Variants in GPAT3 observed in about 807,000 individuals in gnomAD.
The protein encoded by GPAT3 is glycerol-3-phosphate acyltransferase 3, also known as 1-AGP acyltransferase 9.
A neutral mutation model predicts 58.8 loss-of-function variants in GPAT3; 53 were observed. That is an observed-to-expected ratio of 0.90 (90% CI 0.72 to 1.13). The LOEUF (loss-of-function observed/expected upper bound fraction) is 1.13, where lower values mean the gene tolerates loss of function less well. Among genes scored for constraint, GPAT3 ranks in the 50% most tolerant of loss-of-function variants. GPAT3 has a pLI of 0.00. For synonymous variants in GPAT3, 197 were observed against 187.4 expected (o/e 1.05, Z -0.42); for missense variants, 511 against 527.6 (o/e 0.97, Z 0.31).
rs1727191493 is a variant in GPAT3 at position 83,604,685 on chromosome 4, G to T, written c.1223G>T (p.Arg408Ile). 6.2e-7 allele frequency: 1 copy of T among 1,613,774 alleles called. No homozygotes were observed. The highest frequency in any genetic ancestry group is 8.5e-7 in the Non-Finnish European group (1 of 1,179,866). ...TELPWDGGLK[R>I]AKVKDIFKEE... The stretch of plus-strand genomic sequence containing the variant: ...GTTTGCAGGGATGGAGGACTAAAGA[G>T]AGCAAAGGTGAAGGACATCTTTAAG... Residue 408 changes from arginine (R) to isoleucine (I), a missense_variant, in exon 12 of 12, where the codon AGA becomes ATA. Coordinates refer to ENST00000264409, the MANE Select transcript of GPAT3 (RefSeq NM_032717.5).
intron 2 of GPAT3, among the ~76,000 whole-genome samples, chr4:83,551,749 AC>A (rs1215421132): frequency 6.9e-6 from 1 of 145,474 alleles, no homozygotes; most frequent in East Asian, 2.0e-4. Flanking sequence ...CCGAGATTGC[AC>A]CACTGCACTC....
intron 1 of GPAT3, among the ~76,000 whole-genome samples, chr4:83,537,817 G>A (rs1394146383): frequency 1.3e-5 from 2 of 152,092 alleles, no homozygotes; most frequent in African/African-American, 2.4e-5. Flanking sequence ...AGGGACCCTG[G>A]ATACAGGTTT....
intron 2 of GPAT3, among the ~76,000 whole-genome samples, chr4:83,579,016 C>CTTT: frequency 2.3e-5 from 2 of 86,052 alleles, no homozygotes; most frequent in African/African-American, 1.2e-4. Flanking sequence ...TTCCTTCTTT[C>CTTT]CCTTTCTTTC....
chr4:83,600,887 A>G (rs1727031852), intron 11 of GPAT3, among the ~76,000 whole-genome samples: 1 of 152,180 alleles, frequency 6.6e-6, no homozygotes, highest in Non-Finnish European at 1.5e-5. Flanking sequence ...TATACAGTTA[A>G]TAAACTCCCT....
intron 11 of GPAT3, among the ~76,000 whole-genome samples, chr4:83,599,435 T>C (rs1266544701): frequency 6.6e-6 from 1 of 152,148 alleles, no homozygotes; most frequent in South Asian, 2.1e-4. Context: ...TGGCTAGTAC[T>C]CAAGTCATGT....
At chr4:83,556,389 T>C (rs1056693111) in intron 2 of GPAT3, among the ~76,000 whole-genome samples, 2 of 152,122 alleles carry the variant, frequency 1.3e-5, no homozygotes, top group Non-Finnish European at 2.9e-5. Flanking sequence ...TCCCAGCTAC[T>C]TGGGAGGCTT....
Position 83,597,417 on chromosome 4 carries a change from C to T in GPAT3, c.911-13C>T. On this transcript the variant is annotated splice_polypyrimidine_tract_variant and intron_variant, in intron 8 of 11. Coordinates refer to ENST00000264409, the MANE Select transcript of GPAT3 (RefSeq NM_032717.5). ...TTAAAAATATTCACGCTCCTACCCT[C>T]ACCCCCTTGCAGGAACTTGCATCAA... 1 of 1,489,784 alleles carries T rather than the reference C, an allele frequency of 6.7e-7. No individual in the cohort carries two copies. Among genetic ancestry groups the T allele is most frequent in the Non-Finnish European group, 9.0e-7 (1 of 1,107,850 alleles). The allele number at this position is 1,489,784 out of a possible 1,614,324, so 92.3% of individuals were successfully genotyped here. A position where few individuals can be genotyped will look rare whatever the true frequency, so the allele number is the denominator to read the frequency against.
chr4:83,602,563 T>C lies in GPAT3; in HGVS notation c.1206-2105T>C, dbSNP rs537532539. On this transcript the variant is annotated intron_variant, in intron 11 of 11. Transcript: ENST00000264409. ...TATGGCTGCTCCCTCTCTTAAGAAC[T>C]AAGACCTGCTGCCATTGCAAAGGGG... is the stretch of plus-strand genomic sequence containing the variant. 1.1e-3 allele frequency among the ~76,000 whole-genome samples: 174 copies of C among 151,732 alleles called. 2 individuals are homozygous for C. Among genetic ancestry groups the C allele is most frequent in the African/African-American group, 4.1e-3 (168 of 41,400 alleles).
At chr4:83,601,573 C>T (rs1437674569) in intron 11 of GPAT3, among the ~76,000 whole-genome samples, 3 of 152,074 alleles carry the variant, frequency 2.0e-5, no homozygotes, top group Non-Finnish European at 2.9e-5. Context: ...GGCAACATGG[C>T]GAAACCCTGT....
intron 2 of GPAT3, among the ~76,000 whole-genome samples, chr4:83,564,563 G>C (rs1004186903): frequency 2.6e-5 from 4 of 152,100 alleles, no homozygotes; most frequent in Admixed American, 6.5e-5. Context: ...GCCAGGTGTG[G>C]TGGTGCATAC....
Position 83,569,128 on chromosome 4 carries a change from A to T in GPAT3, c.209-12434A>T, listed in dbSNP as rs1243336086. Among the ~76,000 whole-genome samples the T allele has an allele frequency of 3.3e-5, 5 of 152,320 alleles. No individual in the cohort carries two copies. The East Asian group carries it at 9.6e-4, about 29-fold the overall frequency. On this transcript the variant is annotated intron_variant, in intron 2 of 11. Transcript: ENST00000264409. ...ATAGATCTGTTGTTTGTATCAACAA[A>T]ATGATAATGTTATTCAGAGGTAGGG...
Position 83,597,427 on chromosome 4 carries a change from C to A in GPAT3, c.911-3C>A, listed in dbSNP as rs751240833. 2.0e-6 allele frequency: 3 copies of A among 1,528,246 alleles called. No individual in the cohort carries two copies. The highest frequency in any genetic ancestry group is 2.8e-5 in the African/African-American group (2 of 72,128). 94.7% of individuals were successfully genotyped at this position (1,528,246 alleles called of 1,614,324 possible). A position where few individuals can be genotyped will look rare whatever the true frequency, so the allele number is the denominator to read the frequency against. On this transcript the variant is annotated splice_polypyrimidine_tract_variant and splice_region_variant and intron_variant, in intron 8 of 11. Coordinates refer to ENST00000264409, the MANE Select transcript of GPAT3 (RefSeq NM_032717.5). ...TCACGCTCCTACCCTCACCCCCTTG[C>A]AGGAACTTGCATCAACAATACTTCA...
intron 2 of GPAT3, among the ~76,000 whole-genome samples, chr4:83,571,276 T>C (rs922723202): frequency 1.3e-5 from 2 of 152,228 alleles, no homozygotes; most frequent in African/African-American, 4.8e-5. Flanking sequence ...ATAAACATTG[T>C]ACAGACATTC....
At chr4:83,553,765 G>A (rs1243466188) in intron 2 of GPAT3, among the ~76,000 whole-genome samples, 10 of 151,800 alleles carry the variant, frequency 6.6e-5, no homozygotes, top group Admixed American at 5.9e-4. Context: ...CAGACATGGC[G>A]ACTCAGGAGT....
intron 6 of GPAT3, among the ~76,000 whole-genome samples, chr4:83,593,967 T>C (rs1726713938): frequency 6.6e-6 from 1 of 152,202 alleles, no homozygotes; most frequent in African/African-American, 2.4e-5. Flanking sequence ...CTACCTTCCA[T>C]GTTCATTCCA....
At chr4:83,599,501 A>C (rs1231329114) in intron 11 of GPAT3, among the ~76,000 whole-genome samples, 1 of 152,152 alleles carries the variant, frequency 6.6e-6, no homozygotes, top group Non-Finnish European at 1.5e-5. Flanking sequence ...CTGGGTGGCT[A>C]TATGCCTATC....
chr4:83,579,894 G>T (rs1423868034), intron 2 of GPAT3, among the ~76,000 whole-genome samples: 1 of 152,140 alleles, frequency 6.6e-6, no homozygotes, highest in African/African-American at 2.4e-5. Context: ...TCCGGGATAG[G>T]TAATACAGCA....
At chr4:83,598,767 T>TC (rs1726947762) in intron 11 of GPAT3, 44 bp downstream of exon 11, 1 of 1,261,102 alleles carries the variant, frequency 7.9e-7, no homozygotes, top group South Asian at 1.4e-5. Flanking sequence ...TTTTTTTTTT[T>TC]TTTTTTTTTT....
At chr4:83,583,579 A>G (rs1726245417) in intron 3 of GPAT3, among the ~76,000 whole-genome samples, 1 of 139,860 alleles carries the variant, frequency 7.2e-6, no homozygotes, top group African/African-American at 2.6e-5. Context: ...GAGGCAGAGA[A>G]TTACTTGAAC....
Sources: gnomAD v4.1 joint callset for allele counts (sites outside exome capture counted in the v4.1 genomes callset) on GRCh38, gnomAD v4.1.1 for gene constraint, MANE v1.5 for transcripts, NCBI Gene and HGNC (gene_info 2026-07-23, HGNC 2026-07-21) for gene names.